The following LRRFIP1 variants were observed in gnomAD, a reference collection of about 807,000 sequenced individuals.
LRRFIP1 encodes the protein leucine-rich repeat flightless-interacting protein 1.
Under a neutral mutation model 104.4 loss-of-function variants are expected in LRRFIP1, and 62 were observed. The observed-to-expected ratio is 0.59, with a 90% CI of 0.48 to 0.73. The LOEUF (loss-of-function observed/expected upper bound fraction) is 0.73, where lower values mean the gene tolerates loss of function less well. LRRFIP1 is among the 30% of genes least tolerant of loss of function. The pLI is 0.00. For missense variants in LRRFIP1, 796 were observed against 824.5 expected (o/e 0.97, Z 0.42); for synonymous variants, 300 against 299.0 (o/e 1.00, Z -0.03).
At chr2:237,763,032 C>T (rs1401650177) in intron 19 of LRRFIP1, 12 of 1,614,112 alleles carry the variant, frequency 7.4e-6, no homozygotes, top group South Asian at 1.1e-5. Flanking sequence ...ACAGTGGCCT[C>T]GTGTCCTTTA....
Position 237,739,265 on chromosome 2 carries a change from TC to T in LRRFIP1, c.592del (p.Arg198AlafsTer15). ...GTACAGCGGCCACCTCAACTCCAGC[TC>T]CCGCGCCTCCTCCAGGGCCAGCTCG... Reference protein sequence around the residue: ...SEYSGHLNSSSRASSRASSAR... With the variant: ...SEYSGHLNSSXRASSRASSAR... On this transcript the variant is annotated frameshift_variant, in exon 11 of 24. Coordinates refer to ENST00000308482, the MANE Select transcript of LRRFIP1 (RefSeq NM_001137550.2). LOFTEE classifies it high-confidence loss of function. 1 of 1,565,256 alleles carries T rather than the reference TC, an allele frequency of 6.4e-7. No individual in the cohort carries two copies. Among genetic ancestry groups the T allele is most frequent in the African/African-American group, 1.4e-5 (1 of 73,792 alleles).
chr2:237,629,467 C>CTT (rs745503726), intron 1 of LRRFIP1, among the ~76,000 whole-genome samples: 1,482 of 117,304 alleles, frequency 0.013, 20 homozygotes, highest in Middle Eastern at 0.023. Flanking sequence ...TTTCTTTCTT[C>CTT]TTTTTTTTTT....
At chr2:237,705,425 G>A (rs2093754761) in intron 1 of LRRFIP1, among the ~76,000 whole-genome samples, 1 of 152,180 alleles carries the variant, frequency 6.6e-6, no homozygotes. Flanking sequence ...ACTTTGGGAG[G>A]CTGAGGCAGG....
At chr2:237,765,705 T>C (rs2060214763) in intron 19 of LRRFIP1, 1 of 940,064 alleles carries the variant, frequency 1.1e-6, no homozygotes, top group Admixed American at 6.2e-5. Context: ...AAAAAATTTT[T>C]TAAAATAATT....
chr2:237,767,585 C>T (rs972871682), intron 19 of LRRFIP1, among the ~76,000 whole-genome samples: 1 of 152,114 alleles, frequency 6.6e-6, no homozygotes, highest in African/African-American at 2.4e-5. Flanking sequence ...AAACAGTTTT[C>T]AAGAATGTAT....
chr2:237,730,760 T>G (rs2094963615), intron 8 of LRRFIP1, among the ~76,000 whole-genome samples: 1 of 151,994 alleles, frequency 6.6e-6, no homozygotes, highest in Non-Finnish European at 1.5e-5. Flanking sequence ...CTACTAAAAA[T>G]ATAAAAAATT....
intron 1 of LRRFIP1, among the ~76,000 whole-genome samples, chr2:237,687,834 AG>A (rs2092486529): frequency 6.6e-6 from 1 of 152,210 alleles, no homozygotes; most frequent in Non-Finnish European, 1.5e-5. Context: ...GTCTGCCCTC[AG>A]CCTTGTGTTG....
chr2:237,769,035 G>C (rs1359066276), intron 19 of LRRFIP1: 3 of 152,246 alleles, frequency 2.0e-5, no homozygotes, highest in Non-Finnish European at 4.4e-5. Context: ...TAGTGGTTCT[G>C]GGCCTCTGAG....
intron 1 of LRRFIP1, among the ~76,000 whole-genome samples, chr2:237,650,797 G>C (rs2085810373): frequency 6.6e-6 from 1 of 152,230 alleles, no homozygotes; most frequent in Non-Finnish European, 1.5e-5. Flanking sequence ...TGGGATGGGA[G>C]AGAGAGGGAG....
chr2:237,712,275 C>G (rs2094134517), intron 2 of LRRFIP1, among the ~76,000 whole-genome samples: 1 of 152,190 alleles, frequency 6.6e-6, no homozygotes, highest in Non-Finnish European at 1.5e-5. Flanking sequence ...TAGCTCACCC[C>G]TCTGTCTCAA....
At chr2:237,733,346 A>T (rs927252217) in intron 8 of LRRFIP1, among the ~76,000 whole-genome samples, 2 of 151,662 alleles carry the variant, frequency 1.3e-5, no homozygotes, top group African/African-American at 4.9e-5. Context: ...AGAAATAAAG[A>T]CTCTTCCTGC....
At chr2:237,733,457 T>C (rs1046840472) in intron 8 of LRRFIP1, among the ~76,000 whole-genome samples, 3 of 152,242 alleles carry the variant, frequency 2.0e-5, no homozygotes, top group Non-Finnish European at 2.9e-5. Flanking sequence ...TGTGTTGACC[T>C]TGTCACCATT....
Position 237,739,293 on chromosome 2 carries a change from C to G in LRRFIP1, c.617C>G (p.Ala206Gly), listed in dbSNP as rs1387877918. ...CGCGCCTCCTCCAGGGCCAGCTCGG[C>G]CCGGGCCAGCCCTGTGGTAAGTCGG... ...SSRASSRASSARASPVVEERP... is the reference protein window; with the variant it reads ...SSRASSRASSGRASPVVEERP... Residue 206 changes from alanine to glycine, a missense_variant, in exon 11 of 24, where the codon GCC (alanine) becomes GGC (glycine). Ala to Gly is a moderately conservative substitution (Grantham distance 60). Coordinates refer to ENST00000308482, the MANE Select transcript of LRRFIP1 (RefSeq NM_001137550.2). 6.4e-7 allele frequency: 1 copy of G among 1,560,366 alleles called. No homozygotes were observed. The highest frequency in any genetic ancestry group is 1.2e-5 in the South Asian group (1 of 84,732).
At chr2:237,638,474 T>C (rs991760603) in intron 1 of LRRFIP1, among the ~76,000 whole-genome samples, 2 of 152,208 alleles carry the variant, frequency 1.3e-5, no homozygotes, top group African/African-American at 2.4e-5. Flanking sequence ...TAACAGGCCA[T>C]GGACTGGTAC....
At chr2:237,630,463 C>A (rs4663767) in intron 1 of LRRFIP1, among the ~76,000 whole-genome samples, 34,740 of 152,082 alleles carry the variant, frequency 0.23, 4,479 homozygotes, top group East Asian at 0.43. Flanking sequence ...GGGTTGACAC[C>A]TGTAGATCAA....
At chr2:237,770,823 A>G (rs114887222) in intron 20 of LRRFIP1, 7 of 152,284 alleles carry the variant, frequency 4.6e-5, no homozygotes, top group African/African-American at 1.4e-4. Flanking sequence ...CAGTTATCCT[A>G]TCTGATCTTT....
chr2:237,676,392 T>C (rs1395072835), intron 1 of LRRFIP1, among the ~76,000 whole-genome samples: 3 of 152,248 alleles, frequency 2.0e-5, no homozygotes, highest in Non-Finnish European at 1.5e-5. Context: ...GTCCTGATGG[T>C]TATCTTTCTA....
intron 14 of LRRFIP1, 117 bp downstream of exon 14, chr2:237,751,388 G>T: frequency 1.3e-6 from 1 of 773,176 alleles, no homozygotes. Context: ...GCTCCAGGGT[G>T]TAGAAGAACT....
intron 2 of LRRFIP1, among the ~76,000 whole-genome samples, chr2:237,712,008 GA>G (rs1469381916): frequency 1.3e-5 from 2 of 152,162 alleles, no homozygotes; most frequent in Non-Finnish European, 2.9e-5. Context: ...AAGAGGGATC[GA>G]AAGATCTTAA....
Sources: allele counts gnomAD v4.1 joint callset (sites outside exome capture counted in the v4.1 genomes callset), GRCh38; gene constraint gnomAD v4.1.1; transcripts MANE v1.5; gene names NCBI Gene and HGNC (gene_info 2026-07-23, HGNC 2026-07-21).